FAIM: variants seen among roughly 807,000 people sequenced by gnomAD.
FAIM encodes the protein fas apoptotic inhibitory molecule 1.
Under a neutral mutation model 21.2 loss-of-function variants are expected in FAIM, and 14 were observed. That is an observed-to-expected ratio of 0.66 (90% CI 0.44 to 1.03). The LOEUF is 1.03. FAIM is among the 50% of genes least tolerant of loss of function. The pLI, the probability that FAIM is intolerant of heterozygous loss-of-function variation, is 0.00. For missense variants in FAIM, 222 were observed against 247.1 expected, an observed-to-expected ratio of 0.90 and a Z score of 0.68; for synonymous variants, 86 against 80.4, an observed-to-expected ratio of 1.07 and a Z score of -0.37.
intron 1 of FAIM, among the ~76,000 whole-genome samples, chr3:138,612,184 T>G (rs2042776768): frequency 7.0e-6 from 1 of 143,238 alleles, no homozygotes; most frequent in Non-Finnish European, 1.5e-5. Flanking sequence ...CACTGCAAGC[T>G]CCGCCTCCCG....
chr3:138,626,516 C>T (rs1577015932), intron 4 of FAIM, among the ~76,000 whole-genome samples: 1 of 152,260 alleles, frequency 6.6e-6, no homozygotes, highest in South Asian at 2.1e-4. Context: ...ATATCAGAAC[C>T]TAAAGAACTT....
At position 138,622,867 on chromosome 3, in the gene FAIM, C is replaced by T. The variant is rs537010817; in HGVS notation, c.406+451C>T. ...CAGCCTGGCCAACATGGTGAAACCC[C>T]GTCCCTACTAAAAATACAAAAATTA... On this transcript the variant is annotated intron_variant, in intron 4 of 5. Coordinates refer to ENST00000360570, the MANE Select transcript of FAIM (RefSeq NM_001033031.2). Among the ~76,000 whole-genome samples, 75 of 151,954 alleles carry T rather than the reference C, an allele frequency of 4.9e-4. 1 individual carries two copies. Among genetic ancestry groups the T allele is most frequent in the Non-Finnish European group, 8.7e-4 (59 of 67,972 alleles).
chr3:138,627,341 C>G (rs2108353638), intron 4 of FAIM, among the ~76,000 whole-genome samples: 1 of 152,144 alleles, frequency 6.6e-6, no homozygotes, highest in Non-Finnish European at 1.5e-5. Flanking sequence ...GCCACTACGT[C>G]CAGCTAATTT....
intron 1 of FAIM, among the ~76,000 whole-genome samples, chr3:138,614,799 G>A (rs1451118878): frequency 1.3e-5 from 2 of 151,970 alleles, no homozygotes; most frequent in Non-Finnish European, 2.9e-5. Context: ...AAATGAGCCG[G>A]GTGTGGTGGT....
intron 5 of FAIM, 82 bp downstream of exon 5, chr3:138,629,238 T>C (rs1381736970): frequency 8.6e-6 from 10 of 1,164,716 alleles, no homozygotes; most frequent in South Asian, 1.3e-5. Flanking sequence ...ATTATAGAGA[T>C]CTTATAATGA....
chr3:138,630,182 G>A (rs2042990282), intron 5 of FAIM: 1 of 152,226 alleles, frequency 6.6e-6, no homozygotes, highest in South Asian at 2.1e-4. Flanking sequence ...CATTTGTATA[G>A]TATAGGTTTA....
At chr3:138,610,740 T>C (rs1172123449) in intron 1 of FAIM, 1 of 439,998 alleles carries the variant, frequency 2.3e-6, no homozygotes, top group Non-Finnish European at 4.1e-6. Context: ...TGCGCTACCA[T>C]GCCCGGCAAA....
intron 3 of FAIM, 51 bp from the exon 4 acceptor site, chr3:138,622,137 G>A: frequency 2.2e-6 from 3 of 1,373,634 alleles, no homozygotes; most frequent in Non-Finnish European, 3.0e-6. Flanking sequence ...TCTAAAATTA[G>A]ATATCAATTT....
intron 5 of FAIM, among the ~76,000 whole-genome samples, chr3:138,632,073 TCTTC>T (rs974619885): frequency 6.6e-5 from 10 of 151,866 alleles, no homozygotes; most frequent in African/African-American, 2.4e-4. Flanking sequence ...GCCTCTTCTT[TCTTC>T]CTTCCTTCTC....
At chr3:138,629,185 G>GC (rs1243325461) in intron 5 of FAIM, 29 bp downstream of exon 5, 1 of 1,564,574 alleles carries the variant, frequency 6.4e-7, no homozygotes, top group Non-Finnish European at 8.8e-7. Flanking sequence ...GACTCTAAGT[G>GC]CCATGTGTCT....
intron 1 of FAIM, among the ~76,000 whole-genome samples, chr3:138,611,549 A>T (rs1180549770): frequency 6.6e-6 from 1 of 152,320 alleles, no homozygotes; most frequent in South Asian, 2.1e-4. Context: ...ACTCTGTGCT[A>T]TGGTTTGGAT....
chr3:138,618,018 A>C (rs188816066), intron 1 of FAIM, among the ~76,000 whole-genome samples: 3 of 150,316 alleles, frequency 2.0e-5, no homozygotes, highest in African/African-American at 7.3e-5. Flanking sequence ...TCTGTCATCC[A>C]GGCTGGAGTG....
At chr3:138,624,619 T>C (rs566540744) in intron 4 of FAIM, among the ~76,000 whole-genome samples, 2 of 152,322 alleles carry the variant, frequency 1.3e-5, no homozygotes, top group African/African-American at 4.8e-5. Flanking sequence ...CTTGCACTTC[T>C]GCTTCCAAGA....
At chr3:138,629,291 C>G (rs1002374556) in intron 5 of FAIM, 135 bp downstream of exon 5, 1 of 636,810 alleles carries the variant, frequency 1.6e-6, no homozygotes, top group Non-Finnish European at 2.6e-6. Context: ...ATTAAGTACT[C>G]CTGACTTCAG....
intron 5 of FAIM, chr3:138,629,397 T>C (rs546631338): frequency 9.7e-5 from 32 of 330,972 alleles, no homozygotes; most frequent in Non-Finnish European, 1.3e-4. Context: ...CCCTTTCCTG[T>C]CCTGGACCAG....
At chr3:138,617,831 T>C (rs2042843757) in intron 1 of FAIM, among the ~76,000 whole-genome samples, 1 of 146,526 alleles carries the variant, frequency 6.8e-6, no homozygotes, top group Non-Finnish European at 1.5e-5. Flanking sequence ...TTATATATAG[T>C]ATATATCTAT....
Position 138,622,304 on chromosome 3 carries a change from A to T in FAIM, c.294A>T (p.Glu98Asp), listed in dbSNP as rs1362772466. 2.5e-6 allele frequency: 4 copies of T among 1,613,912 alleles called. No homozygotes were observed. The African/African-American group carries it at 5.3e-5, about 22-fold the overall frequency. ...ACGCTATCAGTGGTTTTGCTTATGA[A>T]TATACTCTGGAAATTAATGGGAAAA... ...NIDAISGFAY[E>D]YTLEINGKSL... The change falls in exon 4 of 6, where the codon GAA (glutamate) becomes GAT (aspartate). Residue 98 changes from glutamate (E) to aspartate (D), a missense_variant. By Grantham distance (45) the Glu-to-Asp change is conservative. Transcript: ENST00000360570.
intron 5 of FAIM, among the ~76,000 whole-genome samples, chr3:138,631,313 G>A (rs2043002925): frequency 6.6e-6 from 1 of 151,992 alleles, no homozygotes; most frequent in African/African-American, 2.4e-5. Context: ...TGCTCAGGAG[G>A]CTGAGGCAGG....
At chr3:138,612,659 C>CT (rs1318945509) in intron 1 of FAIM, among the ~76,000 whole-genome samples, 1 of 152,140 alleles carries the variant, frequency 6.6e-6, no homozygotes, top group Non-Finnish European at 1.5e-5. Context: ...ATACAGGTGT[C>CT]TGAGTGGCTG....
Sources: gnomAD v4.1 joint callset for allele counts (sites outside exome capture counted in the v4.1 genomes callset) on GRCh38, gnomAD v4.1.1 for gene constraint, MANE v1.5 for transcripts, NCBI Gene and HGNC (gene_info 2026-07-23, HGNC 2026-07-21) for gene names.